The following GPC6 variants were observed in gnomAD, a reference collection of about 807,000 sequenced individuals.
The protein encoded by GPC6 is glypican-6.
Under a neutral mutation model 55.2 loss-of-function variants are expected in GPC6, and 14 were observed. That is an observed-to-expected ratio of 0.25 (90% CI 0.17 to 0.40). The LOEUF (loss-of-function observed/expected upper bound fraction) is 0.40. Among genes scored for constraint, GPC6 ranks in the 10% least tolerant of loss-of-function variants. GPC6 has a pLI of 1.00. For missense variants in GPC6, 641 were observed against 708.5 expected, an observed-to-expected ratio of 0.90 and a Z score of 1.08; for synonymous variants, 278 against 259.6, an observed-to-expected ratio of 1.07 and a Z score of -0.68.
intron 2 of GPC6, among the ~76,000 whole-genome samples, chr13:93,747,185 A>G (rs912157817): frequency 6.6e-6 from 1 of 152,174 alleles, no homozygotes; most frequent in Non-Finnish European, 1.5e-5. Context: ...AGAAGAAGAT[A>G]TACCTGAGGC....
chr13:94,161,701 A>G lies in GPC6; in HGVS notation c.878-124648A>G, dbSNP rs79955646. Among the ~76,000 whole-genome samples, 327 of 152,334 alleles carry G rather than the reference A, an allele frequency of 2.1e-3. 11 individuals carry two copies. The East Asian group carries it at 0.046, about 22-fold the overall frequency. On this transcript the variant is annotated intron_variant, in intron 4 of 8. Coordinates refer to ENST00000377047, the MANE Select transcript of GPC6 (RefSeq NM_005708.5). ...TATCTAAGGAGCCATGCACAAGACT[A>G]GGGTGTCAGCTAGAATATTCTGCAC...
intron 1 of GPC6, among the ~76,000 whole-genome samples, chr13:93,271,494 C>A (rs7338831): frequency 0.37 from 55,662 of 151,528 alleles, 10,411 homozygotes; most frequent in East Asian, 0.63. Flanking sequence ...TGATAAAATG[C>A]AGGCGTGACA....
intron 1 of GPC6, among the ~76,000 whole-genome samples, chr13:93,379,577 C>T (rs933496095): frequency 2.0e-5 from 3 of 152,042 alleles, no homozygotes; most frequent in African/African-American, 4.8e-5. Context: ...TCATATATGC[C>T]TTGAATTTAG....
chr13:93,224,531 T>C (rs9584093), upstream of GPC6, among the ~76,000 whole-genome samples: 30,101 of 152,172 alleles, frequency 0.2, 3,041 homozygotes, highest in East Asian at 0.3. Context: ...ATCCATATTC[T>C]TTTTTCCTAC....
At chr13:94,316,632 G>T (rs1352105468) in intron 6 of GPC6, among the ~76,000 whole-genome samples, 2 of 150,728 alleles carry the variant, frequency 1.3e-5, no homozygotes, top group East Asian at 3.9e-4. Flanking sequence ...CAGGAGAATG[G>T]CGTGAACCCG....
intron 3 of GPC6, among the ~76,000 whole-genome samples, chr13:93,969,664 G>C (rs1309634039): frequency 1.3e-5 from 2 of 151,720 alleles, no homozygotes; most frequent in Non-Finnish European, 2.9e-5. Context: ...ACCATTTTTA[G>C]TGTATACTTC....
chr13:94,403,289 C>A lies in GPC6; in HGVS notation c.*72C>A. ...GCCAACTCACTTCTTTTCTTACACT[C>A]TTGGACAATGGACCATGCCACAAAA... On this transcript the variant is annotated 3_prime_UTR_variant, in exon 9 of 9. Transcript: ENST00000377047. The A allele has an allele frequency of 1.9e-6, 2 of 1,069,418 alleles. No individual in the cohort carries two copies. The highest frequency in any genetic ancestry group is 2.4e-5 in the East Asian group (1 of 40,864). The allele number at this position is 1,069,418 out of a possible 1,614,324, so 66.2% of individuals were successfully genotyped here.
intron 1 of GPC6, among the ~76,000 whole-genome samples, chr13:93,466,179 T>A (rs1878897231): frequency 6.6e-6 from 1 of 151,992 alleles, no homozygotes; most frequent in Non-Finnish European, 1.5e-5. Context: ...CTGATATACT[T>A]TCTTGATGCA....
intron 6 of GPC6, among the ~76,000 whole-genome samples, chr13:94,380,220 T>G (rs1880099413): frequency 6.6e-6 from 1 of 152,194 alleles, no homozygotes; most frequent in Non-Finnish European, 1.5e-5. Context: ...TGGGACAGAA[T>G]AAACCTGACA....
intron 2 of GPC6, among the ~76,000 whole-genome samples, chr13:93,649,480 G>C (rs1406728196): frequency 6.6e-6 from 1 of 152,108 alleles, no homozygotes; most frequent in Non-Finnish European, 1.5e-5. Context: ...TTGTGAAATA[G>C]ACTCTAAATC....
At chr13:93,620,978 T>C (rs1878928799) in intron 2 of GPC6, among the ~76,000 whole-genome samples, 1 of 152,226 alleles carries the variant, frequency 6.6e-6, no homozygotes, top group African/African-American at 2.4e-5. Context: ...TGAGTGTTTA[T>C]TGAATAGCTA....
intron 3 of GPC6, among the ~76,000 whole-genome samples, chr13:93,988,539 A>G (rs1006307847): frequency 2.6e-5 from 4 of 152,220 alleles, no homozygotes; most frequent in Non-Finnish European, 5.9e-5. Flanking sequence ...TCCAAGATCA[A>G]GGTGCCAGCA....
At chr13:93,698,759 A>T (rs903572882) in intron 2 of GPC6, among the ~76,000 whole-genome samples, 1 of 151,778 alleles carries the variant, frequency 6.6e-6, no homozygotes, top group East Asian at 1.9e-4. Flanking sequence ...AAACCAATGT[A>T]TTTGGCTTTC....
chr13:93,306,987 A>T (rs1480553956), intron 1 of GPC6, among the ~76,000 whole-genome samples: 1 of 152,166 alleles, frequency 6.6e-6, no homozygotes, highest in Non-Finnish European at 1.5e-5. Flanking sequence ...AATGAAGCTT[A>T]GAAGATCAGT....
intron 2 of GPC6, among the ~76,000 whole-genome samples, chr13:93,621,536 G>T (rs2139557484): frequency 6.6e-6 from 1 of 152,264 alleles, no homozygotes; most frequent in Middle Eastern, 3.4e-3. Context: ...AGAAGTTCCT[G>T]GGTGGAGGAC....
chr13:93,255,401 G>A (rs1330364937), intron 1 of GPC6, among the ~76,000 whole-genome samples: 1 of 151,948 alleles, frequency 6.6e-6, no homozygotes. Context: ...ATAAACCATA[G>A]TCACCATACT....
chr13:94,022,104 A>C (rs1235451579), intron 3 of GPC6, among the ~76,000 whole-genome samples: 1 of 152,108 alleles, frequency 6.6e-6, no homozygotes, highest in African/African-American at 2.4e-5. Context: ...GAATCGCTGT[A>C]ATCTTTTTCT....
chr13:94,363,372 G>A (rs777095526), intron 6 of GPC6, among the ~76,000 whole-genome samples: 5 of 152,176 alleles, frequency 3.3e-5, no homozygotes, highest in Non-Finnish European at 7.4e-5. Context: ...ACATAGGCTG[G>A]ATTCAAACAG....
intron 3 of GPC6, among the ~76,000 whole-genome samples, chr13:93,910,054 C>T (rs1422542593): frequency 1.4e-5 from 2 of 146,874 alleles, no homozygotes; most frequent in African/African-American, 2.7e-5. Flanking sequence ...ATTTACAGCT[C>T]GTGTGTTTGT....
Sources: allele counts gnomAD v4.1 joint callset (sites outside exome capture counted in the v4.1 genomes callset), GRCh38; gene constraint gnomAD v4.1.1; transcripts MANE v1.5; gene names NCBI Gene and HGNC (gene_info 2026-07-23, HGNC 2026-07-21).